The following RANBP2 variants were observed in gnomAD, a reference collection of about 807,000 sequenced individuals.
RANBP2 encodes RAN binding protein 2, also known as E3 SUMO-protein ligase RanBP2.
RANBP2 carries 57 observed loss-of-function variants against 303.6 expected under a neutral mutation model. The ratio of observed to expected loss-of-function variants is 0.19; its 90% confidence interval spans 0.15 to 0.23. RANBP2 has a LOEUF of 0.23. Among genes scored for constraint, RANBP2 ranks in the 10% least tolerant of loss-of-function variants. The pLI, the probability that RANBP2 is intolerant of heterozygous loss-of-function variation, is 1.00. For synonymous variants in RANBP2, 1,167 were observed against 1,301.5 expected (o/e 0.90, Z 2.23); for missense variants, 3,138 against 3,780.8 (o/e 0.83, Z 4.46).
At chr2:109,247,791 C>A in the RANBP2 span, among the ~76,000 whole-genome samples, 1 of 152,140 alleles carries the variant, frequency 6.6e-6, no homozygotes. Flanking sequence ...ATTTAACTCA[C>A]TGTTGTGTGT....
chr2:108,828,642 T>C, the RANBP2 span, among the ~76,000 whole-genome samples: 4 of 152,180 alleles, frequency 2.6e-5, no homozygotes, highest in African/African-American at 7.2e-5. Flanking sequence ...CTGGATACCC[T>C]CATGCAACAA....
At chr2:109,140,511 G>T in the RANBP2 span, among the ~76,000 whole-genome samples, 1 of 151,934 alleles carries the variant, frequency 6.6e-6, no homozygotes, top group African/African-American at 2.4e-5. Flanking sequence ...CTCCCGAGTA[G>T]CTGGGACTAC....
chr2:109,643,012 TA>T, the RANBP2 span, among the ~76,000 whole-genome samples: 3 of 152,032 alleles, frequency 2.0e-5, no homozygotes, highest in African/African-American at 7.2e-5. Context: ...CTGTCTCTAC[TA>T]AAATTTTTTT....
At position 108,772,671 on chromosome 2, in the gene RANBP2, G is replaced by T. The variant is rs552955118; in HGVS notation, c.8113+90G>T. 71 of 1,305,788 alleles carry T rather than the reference G, an allele frequency of 5.4e-5. 1 individual carries two copies. In the South Asian group the frequency reaches 7.4e-4, roughly 14 times the overall value. 80.9% of individuals were successfully genotyped at this position (1,305,788 alleles called of 1,614,324 possible). ...TAGTCTGATAATTTCTATAATTATCGATTTTACGATGCCCATGGTGATTTA... is the reference window on the plus strand; with the variant it reads ...TAGTCTGATAATTTCTATAATTATCTATTTTACGATGCCCATGGTGATTTA... On this transcript the variant is annotated intron_variant, in intron 22 of 28. Coordinates refer to ENST00000283195, the MANE Select transcript of RANBP2 (RefSeq NM_006267.5).
At chr2:108,969,869 G>C in the RANBP2 span, among the ~76,000 whole-genome samples, 2 of 152,296 alleles carry the variant, frequency 1.3e-5, no homozygotes, top group East Asian at 1.9e-4. Flanking sequence ...TCCAAAAAGG[G>C]GTGAAAGAAT....
the RANBP2 span, chr2:109,585,105 T>C: frequency 6.8e-7 from 1 of 1,473,518 alleles, no homozygotes; most frequent in Non-Finnish European, 9.1e-7. Flanking sequence ...ACTTGTTTTA[T>C]TACAAGAAGA....
At chr2:109,331,910 TG>T in the RANBP2 span, among the ~76,000 whole-genome samples, 5 of 152,194 alleles carry the variant, frequency 3.3e-5, no homozygotes, top group Non-Finnish European at 5.9e-5. Flanking sequence ...ACTGCCTCTC[TG>T]GAGGGGTTTG....
chr2:109,233,071 T>C, the RANBP2 span, among the ~76,000 whole-genome samples: 1 of 152,132 alleles, frequency 6.6e-6, no homozygotes, highest in East Asian at 1.9e-4. Context: ...GCTAGTGCTT[T>C]TGGGCTCCAT....
At chr2:109,203,914 G>A in the RANBP2 span, among the ~76,000 whole-genome samples, 2 of 152,234 alleles carry the variant, frequency 1.3e-5, no homozygotes, top group African/African-American at 2.4e-5. Context: ...CAGGGCTGAT[G>A]TGTGTGCTGT....
chr2:109,525,242 C>G, the RANBP2 span, among the ~76,000 whole-genome samples: 5 of 152,266 alleles, frequency 3.3e-5, no homozygotes, highest in East Asian at 9.7e-4. Context: ...GCAACCTCTG[C>G]CTCCCGGGTT....
chr2:109,314,787 T>G, the RANBP2 span, among the ~76,000 whole-genome samples: 4 of 152,230 alleles, frequency 2.6e-5, no homozygotes, highest in African/African-American at 9.6e-5. Context: ...TTTGTTTAAT[T>G]TAGGGTGTGA....
chr2:109,102,123 C>A, the RANBP2 span, among the ~76,000 whole-genome samples: 3 of 151,658 alleles, frequency 2.0e-5, no homozygotes. Context: ...TTTTTTGAGA[C>A]AGAGTCTCGC....
At chr2:109,129,993 C>T in the RANBP2 span, 5 of 1,294,624 alleles carry the variant, frequency 3.9e-6, no homozygotes, top group South Asian at 4.8e-5. Flanking sequence ...CGCTCGCGGG[C>T]GGCGGGGGCG....
chr2:109,355,558 G>A, the RANBP2 span, among the ~76,000 whole-genome samples: 1 of 152,306 alleles, frequency 6.6e-6, no homozygotes, highest in African/African-American at 2.4e-5. Flanking sequence ...TCTAGAAAAC[G>A]TTCCTGACCT....
chr2:109,127,958 T>G, the RANBP2 span: 15 of 152,248 alleles, frequency 9.9e-5, no homozygotes, highest in African/African-American at 3.4e-4. Flanking sequence ...AAATACTACT[T>G]TTTTCCTTAA....
the RANBP2 span, among the ~76,000 whole-genome samples, chr2:108,872,227 C>T: frequency 6.6e-6 from 1 of 152,118 alleles, no homozygotes; most frequent in Non-Finnish European, 1.5e-5. Context: ...TTCCCTCCTT[C>T]TCCTCCTCCC....
chr2:109,157,002 GACATATT>G, the RANBP2 span, among the ~76,000 whole-genome samples: 1 of 152,170 alleles, frequency 6.6e-6, no homozygotes, highest in Admixed American at 6.5e-5. Context: ...ACACATAAAT[GACATATT>G]ACTCCAGGTC....
the RANBP2 span, among the ~76,000 whole-genome samples, chr2:109,142,331 T>A: frequency 6.6e-6 from 1 of 152,182 alleles, no homozygotes; most frequent in Non-Finnish European, 1.5e-5. Flanking sequence ...AAAATTCCCA[T>A]GCATGTTATA....
the RANBP2 span, among the ~76,000 whole-genome samples, chr2:108,863,190 CTATTA>C: frequency 6.6e-6 from 1 of 151,932 alleles, no homozygotes; most frequent in Non-Finnish European, 1.5e-5. Context: ...TTCAATCGTT[CTATTA>C]TGTTTTTTAT....
Sources: allele counts gnomAD v4.1 joint callset (sites outside exome capture counted in the v4.1 genomes callset), GRCh38; gene constraint gnomAD v4.1.1; transcripts MANE v1.5; gene names NCBI Gene and HGNC (gene_info 2026-07-23, HGNC 2026-07-21).